The following PDZRN4 variants were observed in gnomAD, a reference collection of about 807,000 sequenced individuals.
PDZRN4 encodes the protein PDZ domain containing ring finger 4, also known as PDZ domain-containing RING finger protein 4.
A neutral mutation model predicts 99.0 loss-of-function variants in PDZRN4; 70 were observed. The ratio of observed to expected loss-of-function variants is 0.71; its 90% CI spans 0.58 to 0.86. The LOEUF (loss-of-function observed/expected upper bound fraction) is 0.86. Among genes scored for constraint, PDZRN4 ranks in the 40% least tolerant of loss-of-function variants. The pLI is 0.00. For synonymous variants in PDZRN4, 551 were observed against 501.6 expected, an observed-to-expected ratio of 1.10 and a Z score of -1.32; for missense variants, 1,474 against 1,331.2, an observed-to-expected ratio of 1.11 and a Z score of -1.67.
At chr12:41,390,562 C>CAAAAAAAAAAAA (rs766893966) in intron 3 of PDZRN4, among the ~76,000 whole-genome samples, 10 of 101,302 alleles carry the variant, frequency 9.9e-5, no homozygotes, top group African/African-American at 1.5e-4. Context: ...AACTCCTAAG[C>CAAAAAAAAAAAA]AAAAAAAAAA....
At chr12:41,294,541 T>C (rs923237354) in intron 3 of PDZRN4, among the ~76,000 whole-genome samples, 2 of 152,170 alleles carry the variant, frequency 1.3e-5, no homozygotes, top group Non-Finnish European at 2.9e-5. Context: ...ATTTTAAATA[T>C]TTAACATTTA....
In PDZRN4 at chr12:41,349,385, TA is replaced by T. The variant is rs899917469; in HGVS notation, c.843+155198del. On this transcript the variant is annotated intron_variant, in intron 3 of 9. Transcript: ENST00000402685. ...AAGACTGAATTTAGGATATTCTTTG[TA>T]TTATCTATAGTTAAAGCTTATAGTC... is the stretch of plus-strand genomic sequence containing the variant. Among the ~76,000 whole-genome samples the T allele has an allele frequency of 1.8e-3, 274 of 151,956 alleles. 8 individuals carry two copies. Among genetic ancestry groups the T allele is most frequent in the Admixed American group, 0.018 (271 of 15,226 alleles).
At chr12:41,313,447 C>G (rs976591553) in intron 3 of PDZRN4, among the ~76,000 whole-genome samples, 1 of 152,140 alleles carries the variant, frequency 6.6e-6, no homozygotes, top group African/African-American at 2.4e-5. Context: ...CAGCTTATCT[C>G]CAGCGGACTG....
At chr12:41,308,400 T>A (rs1429729598) in intron 3 of PDZRN4, among the ~76,000 whole-genome samples, 1 of 152,180 alleles carries the variant, frequency 6.6e-6, no homozygotes, top group African/African-American at 2.4e-5. Flanking sequence ...TGAAGATGTA[T>A]AATTCTCACT....
Position 41,287,450 on chromosome 12 carries a change from A to G in PDZRN4, c.843+93262A>G, listed in dbSNP as rs554918419. The stretch of plus-strand genomic sequence containing the variant: ...AGCTTTCATTCGTTACATTTAAACT[A>G]TTCCTTTGTATATGGTGTTAAAATA... On this transcript the variant is annotated intron_variant, in intron 3 of 9. Coordinates refer to ENST00000402685, the MANE Select transcript of PDZRN4 (RefSeq NM_001164595.2). 6.6e-5 allele frequency among the ~76,000 whole-genome samples: 10 copies of G among 152,354 alleles called. No individual in the cohort carries two copies. The East Asian group carries it at 1.3e-3, about 21-fold the overall frequency.
At chr12:41,492,732 C>T (rs1463920060) in intron 3 of PDZRN4, among the ~76,000 whole-genome samples, 1 of 152,086 alleles carries the variant, frequency 6.6e-6, no homozygotes, top group African/African-American at 2.4e-5. Flanking sequence ...ACTAGTCTCT[C>T]CTTTTGGATT....
chr12:41,457,637 T>G (rs1395967805), intron 3 of PDZRN4, among the ~76,000 whole-genome samples: 1 of 152,238 alleles, frequency 6.6e-6, no homozygotes, highest in Non-Finnish European at 1.5e-5. Context: ...ACCAAGATCT[T>G]TTCCATCAAT....
chr12:41,261,502 T>A (rs1456272287), intron 3 of PDZRN4, among the ~76,000 whole-genome samples: 1 of 152,212 alleles, frequency 6.6e-6, no homozygotes, highest in Non-Finnish European at 1.5e-5. Flanking sequence ...TGTTTTCTTA[T>A]TTTTTGAGAT....
chr12:41,194,321 C>T (rs564550692), intron 3 of PDZRN4, 133 bp downstream of exon 3: 10 of 635,024 alleles, frequency 1.6e-5, no homozygotes, highest in South Asian at 1.8e-5. Context: ...AAGGCATTAT[C>T]ATTTTTACTT....
intron 3 of PDZRN4, among the ~76,000 whole-genome samples, chr12:41,344,024 T>C (rs1951835933): frequency 6.6e-6 from 1 of 152,118 alleles, no homozygotes; most frequent in Non-Finnish European, 1.5e-5. Flanking sequence ...ATTATAAAAT[T>C]GTATACTTCA....
At chr12:41,277,544 T>G (rs1025046444) in intron 3 of PDZRN4, among the ~76,000 whole-genome samples, 3 of 152,182 alleles carry the variant, frequency 2.0e-5, no homozygotes, top group Non-Finnish European at 4.4e-5. Context: ...CCCAATCTCT[T>G]TCTCACCTTA....
chr12:41,258,272 T>C (rs1390378488), intron 3 of PDZRN4, among the ~76,000 whole-genome samples: 1 of 152,214 alleles, frequency 6.6e-6, no homozygotes. Context: ...ATTTATATCT[T>C]GTTTAATTTT....
At chr12:41,294,636 T>G (rs1197780297) in intron 3 of PDZRN4, among the ~76,000 whole-genome samples, 5 of 152,148 alleles carry the variant, frequency 3.3e-5, no homozygotes, top group Non-Finnish European at 4.4e-5. Flanking sequence ...TACAACTCTA[T>G]TACCTTAAAT....
intron 3 of PDZRN4, among the ~76,000 whole-genome samples, chr12:41,311,936 AC>A (rs1489615182): frequency 2.6e-5 from 4 of 152,168 alleles, no homozygotes; most frequent in African/African-American, 7.2e-5. Flanking sequence ...CTTGAAAAAA[AC>A]TTTTTTCTTT....
intron 3 of PDZRN4, among the ~76,000 whole-genome samples, chr12:41,492,897 C>T (rs1417062217): frequency 6.6e-6 from 1 of 152,138 alleles, no homozygotes; most frequent in Admixed American, 6.5e-5. Flanking sequence ...TGTGGAAATG[C>T]TCATTTTCTG....
At chr12:41,383,228 T>G (rs1282096521) in intron 3 of PDZRN4, among the ~76,000 whole-genome samples, 1 of 152,178 alleles carries the variant, frequency 6.6e-6, no homozygotes, top group Non-Finnish European at 1.5e-5. Flanking sequence ...AGCACACTAT[T>G]TCATCAGTTT....
At chr12:41,251,409 T>C (rs1007409878) in intron 3 of PDZRN4, among the ~76,000 whole-genome samples, 1 of 152,172 alleles carries the variant, frequency 6.6e-6, no homozygotes, top group Non-Finnish European at 1.5e-5. Context: ...GCATTTTCCC[T>C]ATAAACTTTT....
chr12:41,270,681 A>C (rs1407626251), intron 3 of PDZRN4, among the ~76,000 whole-genome samples: 1 of 152,100 alleles, frequency 6.6e-6, no homozygotes, highest in African/African-American at 2.4e-5. Context: ...TGTAGTAACT[A>C]TTTCTTGATA....
At chr12:41,231,855 A>G (rs556651796) in intron 3 of PDZRN4, among the ~76,000 whole-genome samples, 67 of 152,138 alleles carry the variant, frequency 4.4e-4, no homozygotes, top group Middle Eastern at 3.4e-3. Flanking sequence ...GATAATTCTT[A>G]TTGTTGAAGT....
Sources: allele counts gnomAD v4.1 joint callset (sites outside exome capture counted in the v4.1 genomes callset), GRCh38; gene constraint gnomAD v4.1.1; transcripts MANE v1.5; gene names NCBI Gene and HGNC (gene_info 2026-07-23, HGNC 2026-07-21).